Variants in ARMCX4 observed in about 807,000 individuals in gnomAD.
ARMCX4 encodes the protein armadillo repeat containing X-linked 4.
A neutral mutation model predicts 34.7 loss-of-function variants in ARMCX4; 3 were observed. The ratio of observed to expected loss-of-function variants is 0.09; its 90% CI spans 0.04 to 0.22. The LOEUF (loss-of-function observed/expected upper bound fraction) is 0.22, where lower values mean the gene tolerates loss of function less well. Ranked by LOEUF, ARMCX4 falls within the 10% of genes least tolerant of loss-of-function variation. The pLI is 1.00. For synonymous variants in ARMCX4, 513 were observed against 632.8 expected, an observed-to-expected ratio of 0.81 and a Z score of 2.84; for missense variants, 1,448 against 1,720.8, an observed-to-expected ratio of 0.84 and a Z score of 2.81.
rs1033688934 is a variant in ARMCX4 at position 101,489,643 on chromosome X, G to A, written c.1054G>A (p.Ala352Thr). 18 of 1,153,088 alleles carry A rather than the reference G, an allele frequency of 1.6e-5. No individual in the cohort carries two copies. Among genetic ancestry groups the A allele is most frequent in the Non-Finnish European group, 1.9e-5 (17 of 872,230 alleles). The change falls in exon 6 of 6, where the codon GCA becomes ACA. Residue 352 changes from alanine to threonine, a missense_variant. Ala to Thr is a moderately conservative substitution (Grantham distance 58, BLOSUM62 0). This residue lies in a region of ARMCX4 where 1,343 missense variants were observed against 1,540.7 expected (regional missense o/e 0.87). Coordinates refer to ENST00000423738, the MANE Select transcript of ARMCX4 (RefSeq NM_001256155.3). ...GNTNAMCKVG[A>T]GADVRACIQP... is the part of the protein sequence containing the mutation. ...CACCAATGCCATGTGTAAGGTGGGG[G>A]CAGGGGCAGATGTGAGAGCTTGTAT...
chrX:101,493,947 G>A lies in ARMCX4; in HGVS notation c.5358G>A (p.Glu1786=), dbSNP rs1465267256. The part of the protein sequence containing the change: ...EAMICSRIEA[E]NKASSGSWIR... ...TGATTTGTTCTAGGATTGAGGCTGAGAACAAGGCTAGTAGTGGCTCCTGGA... is the reference window on the plus strand; with the variant it reads ...TGATTTGTTCTAGGATTGAGGCTGAAAACAAGGCTAGTAGTGGCTCCTGGA... Residue 1786 remains glutamate (E), a synonymous_variant, in exon 6 of 6, where the codon GAG becomes GAA. Transcript: ENST00000423738. 27 of 1,143,059 alleles carry A rather than the reference G, an allele frequency of 2.4e-5. No individual in the cohort carries two copies. The Admixed American group carries it at 3.8e-4, about 16-fold the overall frequency. The allele number at this position is 1,143,059 out of a possible 1,213,427, so 94.2% of individuals were successfully genotyped here.
Position 101,492,487 on chromosome X carries a change from G to A in ARMCX4, c.3898G>A (p.Gly1300Ser), listed in dbSNP as rs868975622. Residue 1300 changes from glycine (G) to serine (S), a missense_variant, in exon 6 of 6, where the codon GGT becomes AGT. Gly to Ser is a moderately conservative substitution (Grantham distance 56). Around this residue, in one of 2 missense-constraint regions of ARMCX4, gnomAD observed 1,343 missense variants for 1,540.7 expected, o/e 0.87. Transcript: ENST00000423738. ...SYWAGVVDQA[G>S]GGSWAGTSDQ... ...CTGGGCTGGGGTTGTGGATCAGGCCGGTGGAGGGTCCTGGGCTGGGACTAG... is the reference window on the plus strand; with the variant it reads ...CTGGGCTGGGGTTGTGGATCAGGCCAGTGGAGGGTCCTGGGCTGGGACTAG... The A allele has an allele frequency of 1.1e-5, 13 of 1,146,098 alleles. No individual in the cohort carries two copies. Among genetic ancestry groups the A allele is most frequent in the African/African-American group, 1.8e-5 (1 of 54,217 alleles). 94.5% of individuals were successfully genotyped at this position (1,146,098 alleles called of 1,213,427 possible). A position where few individuals can be genotyped will look rare whatever the true frequency, so the allele number is the denominator to read the frequency against.
At chrX:101,504,580 T>C (rs781792540) in intron 7 of ARMCX4, among the ~76,000 whole-genome samples, 2 of 110,585 alleles carry the variant, frequency 1.8e-5, no homozygotes, top group African/African-American at 6.6e-5. Flanking sequence ...GTGGACAACA[T>C]TTCTAAATGT....
chrX:101,455,501 A>G (rs1932227784), intron 4 of ARMCX4, among the ~76,000 whole-genome samples: 2 of 111,465 alleles, frequency 1.8e-5, no homozygotes, highest in Non-Finnish European at 3.8e-5. Flanking sequence ...TAATGACACA[A>G]TTTTAGATTA....
At chrX:101,463,778 C>G (rs1932723111) in intron 4 of ARMCX4, among the ~76,000 whole-genome samples, 1 of 110,706 alleles carries the variant, frequency 9.0e-6, no homozygotes, top group African/African-American at 3.3e-5. Context: ...GAGGCGGTCT[C>G]ACTGTGTCAC....
chrX:101,438,431 G>C (rs1415843722), intron 2 of ARMCX4, among the ~76,000 whole-genome samples: 1 of 110,970 alleles, frequency 9.0e-6, no homozygotes, highest in Non-Finnish European at 1.9e-5. Flanking sequence ...CAGGTATGGT[G>C]GTGGGCACCT....
At position 101,485,515 on chromosome X, in the gene ARMCX4, G is replaced by A; in HGVS notation, c.-452G>A. The A allele has an allele frequency of 7.8e-6, 5 of 641,000 alleles. No individual in the cohort carries two copies. Among genetic ancestry groups the A allele is most frequent in the Non-Finnish European group, 9.3e-6 (5 of 535,834 alleles). 52.8% of individuals were successfully genotyped at this position (641,000 alleles called of 1,213,427 possible). Reference sequence around the variant, plus strand: ...CGCTCGGCGGGCTGGCATCGGGCCCGGGGAAAGCGGAGCAGGTAAGGGCCC... The same window carrying A: ...CGCTCGGCGGGCTGGCATCGGGCCCAGGGAAAGCGGAGCAGGTAAGGGCCC... On this transcript the variant is annotated 5_prime_UTR_variant, in exon 1 of 6. Transcript: ENST00000423738.
intron 5 of ARMCX4, among the ~76,000 whole-genome samples, 168 bp downstream of exon 5, chrX:101,488,267 A>T (rs1556007432): frequency 8.9e-6 from 1 of 111,937 alleles, no homozygotes; most frequent in African/African-American, 3.2e-5. Context: ...GAAGAAAATT[A>T]TTGGGCATTG....
At chrX:101,457,509 A>G (rs1270846091) in intron 4 of ARMCX4, among the ~76,000 whole-genome samples, 4 of 111,112 alleles carry the variant, frequency 3.6e-5, no homozygotes, top group Non-Finnish European at 7.5e-5. Context: ...AGATCACCTG[A>G]GGCCAGGAGT....
At chrX:101,456,543 A>G (rs1317922903) in intron 4 of ARMCX4, among the ~76,000 whole-genome samples, 1 of 111,169 alleles carries the variant, frequency 9.0e-6, no homozygotes, top group African/African-American at 3.3e-5. Flanking sequence ...TTAAAGTACT[A>G]TAGATATGTA....
chrX:101,450,023 G>A (rs190844254), downstream of ARMCX4, among the ~76,000 whole-genome samples: 21 of 112,060 alleles, frequency 1.9e-4, no homozygotes, highest in African/African-American at 6.8e-4. Flanking sequence ...ACCCGGAAGA[G>A]ACTCTTTTTC....
intron 4 of ARMCX4, among the ~76,000 whole-genome samples, chrX:101,463,839 TC>T (rs1337386074): frequency 1.8e-5 from 2 of 110,592 alleles, no homozygotes; most frequent in Admixed American, 1.9e-4. Context: ...AACCTCCGTC[TC>T]CCAGGCTCAA....
intron 4 of ARMCX4, among the ~76,000 whole-genome samples, chrX:101,465,896 A>T (rs1459990311): frequency 2.7e-5 from 3 of 112,326 alleles, no homozygotes; most frequent in African/African-American, 9.7e-5. Flanking sequence ...TATTAAAATT[A>T]TAAAATGTCT....
chrX:101,439,045 G>C (rs1365714499), intron 2 of ARMCX4, among the ~76,000 whole-genome samples: 1 of 112,081 alleles, frequency 8.9e-6, no homozygotes, highest in Non-Finnish European at 1.9e-5. Flanking sequence ...CTCGTTAGTT[G>C]ATGCAGTTTC....
intron 4 of ARMCX4, among the ~76,000 whole-genome samples, chrX:101,469,851 A>G (rs952683586): frequency 9.0e-5 from 10 of 111,233 alleles, no homozygotes; most frequent in Non-Finnish European, 1.7e-4. Flanking sequence ...CCAGTGCACC[A>G]TGTCAATTTA....
At chrX:101,475,469 G>A (rs186765156) in intron 4 of ARMCX4, among the ~76,000 whole-genome samples, 14 of 111,247 alleles carry the variant, frequency 1.3e-4, no homozygotes, top group South Asian at 3.8e-4. Flanking sequence ...GGCAGTGGGC[G>A]GCGGGGAGGG....
downstream of ARMCX4, among the ~76,000 whole-genome samples, chrX:101,452,867 T>TTTA (rs10634734): frequency 1.8e-3 from 180 of 102,154 alleles, no homozygotes; most frequent in African/African-American, 4.5e-3. Flanking sequence ...GGCTGTTTGT[T>TTTA]TTATTATTAT....
chrX:101,523,018 G>A (rs1359861494), intron 11 of ARMCX4, among the ~76,000 whole-genome samples: 1 of 111,847 alleles, frequency 8.9e-6, no homozygotes, highest in Non-Finnish European at 1.9e-5. Context: ...ATACAATTCG[G>A]GGAGTTAGGA....
At position 101,493,743 on chromosome X, in the gene ARMCX4, T is replaced by C; in HGVS notation, c.5154T>C (p.Ser1718=). The change falls in exon 6 of 6, where the codon AGT becomes AGC. Residue 1718 remains serine, a synonymous_variant. Coordinates refer to ENST00000423738, the MANE Select transcript of ARMCX4 (RefSeq NM_001256155.3). ...GGGCTAGATCTGAGGACCAGGCCAG[T>C]GGAAGGTTCCAGGTCAGTTTTGAGG... ...GSWARSEDQA[S]GRFQVSFEVE... 2 of 1,153,879 alleles carry C rather than the reference T, an allele frequency of 1.7e-6. No homozygotes were observed. Among genetic ancestry groups the C allele is most frequent in the Non-Finnish European group, 2.3e-6 (2 of 872,403 alleles).
Sources: allele counts gnomAD v4.1 joint callset (sites outside exome capture counted in the v4.1 genomes callset), GRCh38; gene constraint gnomAD v4.1.1; regional missense constraint gnomAD v4.1.1; transcripts MANE v1.5; gene names NCBI Gene and HGNC (gene_info 2026-07-23, HGNC 2026-07-21).